THOC2: variants seen among roughly 807,000 people sequenced by gnomAD.
THOC2 encodes THO complex 2.
THOC2 carries 10 observed loss-of-function variants against 128.4 expected under a neutral mutation model. The observed-to-expected ratio is 0.08, with a 90% CI of 0.05 to 0.13. THOC2 has a LOEUF of 0.13. THOC2 is among the 10% of genes least tolerant of loss of function. The pLI is 1.00. For synonymous variants in THOC2, 393 were observed against 396.9 expected (o/e 0.99, Z 0.12); for missense variants, 535 against 1,155.7 (o/e 0.46, Z 7.79).
chrX:123,702,259 A>C (rs1172221207), intron 4 of THOC2, among the ~76,000 whole-genome samples: 1 of 110,088 alleles, frequency 9.1e-6, no homozygotes, highest in African/African-American at 3.3e-5. Context: ...ACATAGCGAG[A>C]CTCTGCCTCT....
At chrX:123,683,202 C>A (rs867703314) in intron 8 of THOC2, among the ~76,000 whole-genome samples, 1 of 111,602 alleles carries the variant, frequency 9.0e-6, no homozygotes, top group Middle Eastern at 4.6e-3. Context: ...TCATTCAGTG[C>A]TCAAAAAGTT....
chrX:123,638,476 T>G (rs1159234191), intron 17 of THOC2, among the ~76,000 whole-genome samples: 1 of 110,837 alleles, frequency 9.0e-6, no homozygotes, highest in Non-Finnish European at 1.9e-5. Context: ...CTGGCCAACC[T>G]AGTGAAATCC....
At chrX:123,625,011 C>T (rs1043213654) in intron 25 of THOC2, among the ~76,000 whole-genome samples, 43 of 110,489 alleles carry the variant, frequency 3.9e-4, no homozygotes, top group African/African-American at 1.2e-3. Context: ...ACTGGGTTTA[C>T]GGGGAGAGTA....
intron 12 of THOC2, among the ~76,000 whole-genome samples, chrX:123,651,643 T>G (rs1029634898): frequency 1.7e-4 from 19 of 110,400 alleles, no homozygotes; most frequent in Non-Finnish European, 2.7e-4. Flanking sequence ...AAATACAAAC[T>G]ACCATCAGAG....
intron 8 of THOC2, among the ~76,000 whole-genome samples, chrX:123,683,962 G>C (rs1231302164): frequency 9.1e-6 from 1 of 110,160 alleles, no homozygotes; most frequent in African/African-American, 3.3e-5. Context: ...ATGAGGGTTA[G>C]TCATTCCAAG....
At chrX:123,726,523 A>C (rs1438929375) in intron 1 of THOC2, among the ~76,000 whole-genome samples, 1 of 110,214 alleles carries the variant, frequency 9.1e-6, no homozygotes, top group East Asian at 2.8e-4. Flanking sequence ...AAAAAAAAAA[A>C]AAAAAAACTT....
chrX:123,654,916 T>C (rs2048510766), intron 12 of THOC2, among the ~76,000 whole-genome samples: 1 of 109,176 alleles, frequency 9.2e-6, no homozygotes, highest in East Asian at 2.9e-4. Flanking sequence ...ACACAAAAAA[T>C]ATATAGGTTT....
At chrX:123,676,122 T>C (rs1164862331) in intron 8 of THOC2, among the ~76,000 whole-genome samples, 1 of 112,613 alleles carries the variant, frequency 8.9e-6, no homozygotes, top group Non-Finnish European at 1.9e-5. Context: ...ATGTATCTCT[T>C]TTTCTAATGT....
rs1197220819 is a variant in THOC2, at chrX:123,623,960, A to G, written c.3330T>C (p.His1110=). The part of the protein sequence containing the change: ...WHYKLTKASV[H]CLETGEYTHI... ...GAGTATATTCGCCTGTTTCAAGGCA[A>G]TGTACCGATGCCTACAACAAACATT... Residue 1110 remains histidine, a synonymous_variant, in exon 28 of 39, where the codon CAT becomes CAC. Coordinates refer to ENST00000245838, the MANE Select transcript of THOC2 (RefSeq NM_001081550.2). 2 of 1,193,088 alleles carry G rather than the reference A, an allele frequency of 1.7e-6. No individual in the cohort carries two copies. Among genetic ancestry groups the G allele is most frequent in the Admixed American group, 4.7e-5 (2 of 42,844 alleles).
intron 36 of THOC2, among the ~76,000 whole-genome samples, chrX:123,612,774 T>C (rs1005193675): frequency 1.3e-4 from 15 of 112,052 alleles, no homozygotes; most frequent in South Asian, 3.7e-4. Flanking sequence ...TAGAGCTGTT[T>C]TTATGAACTA....
intron 4 of THOC2, among the ~76,000 whole-genome samples, chrX:123,699,385 G>A (rs771192693): frequency 8.9e-6 from 1 of 111,837 alleles, no homozygotes; most frequent in Non-Finnish European, 1.9e-5. Flanking sequence ...TAGCTCATGT[G>A]TATTAAGGAA....
intron 38 of THOC2, chrX:123,603,323 T>C (rs1246785369): frequency 3.7e-5 from 7 of 190,387 alleles, no homozygotes; most frequent in Non-Finnish European, 6.7e-5. Flanking sequence ...TCAAGCAATA[T>C]AATCATCCCA....
intron 25 of THOC2, 128 bp downstream of exon 25, chrX:123,625,784 G>A: frequency 1.5e-6 from 1 of 679,488 alleles, no homozygotes; most frequent in Non-Finnish European, 2.3e-6. Context: ...AGTAGAGCTA[G>A]GATTCAAGTT....
At chrX:123,654,495 G>A (rs999848371) in intron 12 of THOC2, among the ~76,000 whole-genome samples, 8 of 108,005 alleles carry the variant, frequency 7.4e-5, no homozygotes, top group African/African-American at 2.4e-4. Flanking sequence ...AGTGGCTCAC[G>A]CCTGTAATCC....
chrX:123,611,370 C>G (rs1215998482), intron 37 of THOC2, 70 bp downstream of exon 37: 25 of 818,980 alleles, frequency 3.1e-5, no homozygotes, highest in Non-Finnish European at 4.3e-5. Context: ...TAAAAGAGTA[C>G]AATTGTAAAC....
At chrX:123,602,629 C>G (rs897089646) in intron 38 of THOC2, 1 of 111,626 alleles carries the variant, frequency 9.0e-6, no homozygotes, top group Non-Finnish European at 1.9e-5. Context: ...TTTGGGGTGA[C>G]AGAAATGCTC....
At chrX:123,665,049 G>A (rs927253857) in intron 12 of THOC2, among the ~76,000 whole-genome samples, 2 of 111,307 alleles carry the variant, frequency 1.8e-5, no homozygotes, top group African/African-American at 6.5e-5. Context: ...TTTCCCATGT[G>A]AGGGACTTGA....
At chrX:123,675,140 T>C (rs1274509168) in intron 8 of THOC2, among the ~76,000 whole-genome samples, 3 of 112,393 alleles carry the variant, frequency 2.7e-5, no homozygotes, top group Non-Finnish European at 5.6e-5. Context: ...GTTCTTTCTT[T>C]GGCTTGGCTT....
rs1462611888 is a variant in THOC2, at chrX:123,613,677, G to A, written c.4481C>T (p.Pro1494Leu). Residue 1494 changes from proline (P) to leucine (L), a missense_variant, in exon 35 of 39, where the codon CCG becomes CTG. Physicochemically the swap from Pro to Leu is moderately conservative, Grantham distance 98. Coordinates refer to ENST00000245838, the MANE Select transcript of THOC2 (RefSeq NM_001081550.2). ...DHSNNDREVPPDLTKRRKEEN... is the reference protein window; with the variant it reads ...DHSNNDREVPLDLTKRRKEEN... The stretch of plus-strand genomic sequence containing the variant: ...CTCTTTACGTCTCTTGGTTAAGTCC[G>A]GTGGCACTTCACGGTCGTTGTTTGA... 1 of 1,210,412 alleles carries A rather than the reference G, an allele frequency of 8.3e-7. No individual in the cohort carries two copies. Among genetic ancestry groups the A allele is most frequent in the South Asian group, 1.8e-5 (1 of 56,946 alleles).
Sources: allele counts gnomAD v4.1 joint callset (sites outside exome capture counted in the v4.1 genomes callset), GRCh38; gene constraint gnomAD v4.1.1; transcripts MANE v1.5; gene names NCBI Gene and HGNC (gene_info 2026-07-23, HGNC 2026-07-21).